The following COLGALT2 variants were observed in gnomAD, a reference collection of about 807,000 sequenced individuals.
The protein encoded by COLGALT2 is collagen beta(1-O)galactosyltransferase 2.
A neutral mutation model predicts 73.4 loss-of-function variants in COLGALT2; 49 were observed. The ratio of observed to expected loss-of-function variants is 0.67; its 90% confidence interval spans 0.53 to 0.85. COLGALT2 has a LOEUF of 0.85. COLGALT2 is among the 40% of genes least tolerant of loss of function. The probability of loss-of-function intolerance (pLI) is 0.00; values close to 1 mark genes in which losing one functional copy is unlikely to be tolerated. For missense variants in COLGALT2, 722 were observed against 790.2 expected (o/e 0.91, Z 1.03); for synonymous variants, 295 against 307.6 (o/e 0.96, Z 0.43).
intron 9 of COLGALT2, 101 bp downstream of exon 9, chr1:183,945,331 C>T: frequency 7.4e-7 from 1 of 1,358,104 alleles, no homozygotes; most frequent in Non-Finnish European, 1.0e-6. Flanking sequence ...ATTTCCAGAA[C>T]AGTTGCGGGC....
chr1:184,013,409 AAAG>A (rs1393372383), intron 1 of COLGALT2, among the ~76,000 whole-genome samples: 1 of 152,216 alleles, frequency 6.6e-6, no homozygotes, highest in Admixed American at 6.5e-5. Context: ...GAATCTACTC[AAAG>A]AAGGTGTGGT....
At chr1:183,964,336 T>A in intron 5 of COLGALT2, 1 of 373,378 alleles carries the variant, frequency 2.7e-6, no homozygotes, top group East Asian at 3.9e-5. Flanking sequence ...GGCAAGGAAT[T>A]CCCATTCTGG....
intron 1 of COLGALT2, among the ~76,000 whole-genome samples, chr1:183,993,914 C>G (rs1671697370): frequency 6.6e-6 from 1 of 151,418 alleles, no homozygotes; most frequent in East Asian, 1.9e-4. Flanking sequence ...GGAACCAAAA[C>G]TTTCATCAGG....
intron 1 of COLGALT2, among the ~76,000 whole-genome samples, chr1:183,997,253 ATAAATTGTTATATGTCTTACTATAAATTT>A (rs1246574233): frequency 6.6e-6 from 1 of 152,240 alleles, no homozygotes; most frequent in Admixed American, 6.5e-5. Flanking sequence ...GTAAGACATT[ATAAATTGTTATATGTCTTACTATAAATTT>A]TACCATGTAA....
intron 10 of COLGALT2, among the ~76,000 whole-genome samples, chr1:183,941,674 G>A (rs1670115611): frequency 6.6e-6 from 1 of 152,110 alleles, no homozygotes; most frequent in Non-Finnish European, 1.5e-5. Context: ...AAGCATCCCA[G>A]GATTTGTAGA....
intron 1 of COLGALT2, among the ~76,000 whole-genome samples, chr1:184,023,925 T>A (rs1047310697): frequency 1.3e-5 from 2 of 152,180 alleles, no homozygotes; most frequent in African/African-American, 4.8e-5. Context: ...TTCACTCAGG[T>A]TAGAGGGCAA....
At position 183,993,018 on chromosome 1, in the gene COLGALT2, C is replaced by G. The variant is rs560736754; in HGVS notation, c.264-14498G>C. Reference sequence around the variant, plus strand: ...CCCAGGACAGTGCCTGGCATCAGCACTGGGTAAAGGGTTGCTAAATGAATA... The same window carrying G: ...CCCAGGACAGTGCCTGGCATCAGCAGTGGGTAAAGGGTTGCTAAATGAATA... On this transcript the variant is annotated intron_variant, in intron 1 of 11. Coordinates refer to ENST00000361927, the MANE Select transcript of COLGALT2 (RefSeq NM_015101.4). Among the ~76,000 whole-genome samples the G allele has an allele frequency of 1.4e-3, 206 of 152,284 alleles. 1 individual carries two copies. The highest frequency in any genetic ancestry group is 4.1e-3 in the African/African-American group (169 of 41,556).
intron 1 of COLGALT2, among the ~76,000 whole-genome samples, chr1:184,024,800 T>C (rs561421558): frequency 1.2e-3 from 181 of 152,242 alleles, no homozygotes; most frequent in African/African-American, 4.2e-3. Context: ...AAAACTGGCT[T>C]CTACATATCC....
In COLGALT2 at chr1:183,937,456, G is replaced by T; in HGVS notation, c.*1305C>A. The T allele has an allele frequency of 1.0e-6, 1 of 985,862 alleles. No homozygotes were observed. Among genetic ancestry groups the T allele is most frequent in the Non-Finnish European group, 1.2e-6 (1 of 830,232 alleles). 61.1% of individuals were successfully genotyped at this position (985,862 alleles called of 1,614,324 possible). A position where few individuals can be genotyped will look rare whatever the true frequency, so the allele number is the denominator to read the frequency against. ...AAGAAAGCAGAAAGGACTCTTAGGG[G>T]ATATCTTTTGAGAAAGGGTGTCCGC... On this transcript the variant is annotated 3_prime_UTR_variant, in exon 12 of 12. Coordinates refer to ENST00000361927, the MANE Select transcript of COLGALT2 (RefSeq NM_015101.4).
intron 1 of COLGALT2, among the ~76,000 whole-genome samples, chr1:183,989,554 T>C (rs1001232817): frequency 6.6e-6 from 1 of 152,224 alleles, no homozygotes; most frequent in Admixed American, 6.5e-5. Flanking sequence ...GATTGAGGAC[T>C]GGGAGAAAGC....
intron 1 of COLGALT2, among the ~76,000 whole-genome samples, chr1:183,990,795 T>A (rs1399318072): frequency 6.6e-6 from 1 of 152,216 alleles, no homozygotes; most frequent in African/African-American, 2.4e-5. Context: ...GAGGGCGAGA[T>A]GGCTGTAAGG....
In COLGALT2 at chr1:183,969,377, C is replaced by T; in HGVS notation, c.724G>A (p.Asp242Asn). Residue 242 changes from aspartate to asparagine, a missense_variant, in exon 5 of 12, where the codon GAC (aspartate) becomes AAC (asparagine). Physicochemically the swap from Asp to Asn is conservative, Grantham distance 23. Coordinates refer to ENST00000361927, the MANE Select transcript of COLGALT2 (RefSeq NM_015101.4). ...TTGTCCGAGGCCTCCTTCCTGAGGT[C>T]AATTAGGAAGGTGGAGTGGACCATG... Reference protein sequence around the residue: ...VPMVHSTFLIDLRKEASDKLT... With the variant: ...VPMVHSTFLINLRKEASDKLT... 1 of 1,613,782 alleles carries T rather than the reference C, an allele frequency of 6.2e-7. No homozygotes were observed. The highest frequency in any genetic ancestry group is 8.5e-7 in the Non-Finnish European group (1 of 1,179,842).
chr1:184,000,762 C>A (rs756960838), intron 1 of COLGALT2, among the ~76,000 whole-genome samples: 2 of 151,626 alleles, frequency 1.3e-5, no homozygotes, highest in Non-Finnish European at 2.9e-5. Context: ...AATTGACTCT[C>A]CTTATTGAAA....
Position 183,954,763 on chromosome 1 carries a change from T to G in COLGALT2, c.1028A>C (p.Glu343Ala). 1 of 1,610,418 alleles carries G rather than the reference T, an allele frequency of 6.2e-7. No individual in the cohort carries two copies. Among genetic ancestry groups the G allele is most frequent in the Non-Finnish European group, 8.5e-7 (1 of 1,176,946 alleles). ...PKYPDKMGFD[E>A]IFMINLKRRK... ...CACACATATAGACACCTTTCCTACCTCATCAAATCCCATCTTGTCTGGATA... is the reference window on the plus strand; with the variant it reads ...CACACATATAGACACCTTTCCTACCGCATCAAATCCCATCTTGTCTGGATA... The change falls in exon 7 of 12, where the codon GAG becomes GCG. Residue 343 changes from glutamate to alanine, a missense_variant and splice_region_variant. By Grantham distance (107) the Glu-to-Ala change is moderately radical (BLOSUM62 -1). Transcript: ENST00000361927.
At chr1:183,973,562 G>C (rs1025525135) in intron 4 of COLGALT2, 54 bp downstream of exon 4, 2 of 1,604,906 alleles carry the variant, frequency 1.2e-6, no homozygotes, top group Non-Finnish European at 1.7e-6. Flanking sequence ...ACTGTTGACC[G>C]GGTGTTGCCT....
In COLGALT2 at chr1:184,037,686, C is replaced by T. The variant is rs1193037985; in HGVS notation, c.-329G>A. ...AAGTTCCTCTAGTCCAGGTTCCGCT[C>T]GTACAGCTGAGGTCTGTGGCCTTCC... is the stretch of plus-strand genomic sequence containing the variant. On this transcript the variant is annotated 5_prime_UTR_variant, in exon 1 of 12. Coordinates refer to ENST00000361927, the MANE Select transcript of COLGALT2 (RefSeq NM_015101.4). 2 of 1,010,998 alleles carry T rather than the reference C, an allele frequency of 2.0e-6. No individual in the cohort carries two copies. Among genetic ancestry groups the T allele is most frequent in the Admixed American group, 5.9e-5 (1 of 17,038 alleles). The allele number at this position is 1,010,998 out of a possible 1,614,324, so 62.6% of individuals were successfully genotyped here.
In COLGALT2 at chr1:183,949,770, C is replaced by T. The variant is rs547006661; in HGVS notation, c.1136+1237G>A. ...AAAAACTCTTTTGCTTCAATGTATACCATCATGAAATTGTGACAATCAATA... is the reference window on the plus strand; with the variant it reads ...AAAAACTCTTTTGCTTCAATGTATATCATCATGAAATTGTGACAATCAATA... On this transcript the variant is annotated intron_variant, in intron 8 of 11. Transcript: ENST00000361927. Among the ~76,000 whole-genome samples the T allele has an allele frequency of 9.6e-4, 146 of 152,226 alleles. 1 individual carries two copies. The highest frequency in any genetic ancestry group is 3.3e-3 in the African/African-American group (135 of 41,534).
intron 2 of COLGALT2, among the ~76,000 whole-genome samples, chr1:183,977,783 C>T (rs549122171): frequency 3.0e-5 from 4 of 133,064 alleles, no homozygotes; most frequent in South Asian, 2.6e-4. Context: ...GAGTGAGACC[C>T]TGTCTTGAAA....
At chr1:183,994,828 A>C (rs558384021) in intron 1 of COLGALT2, among the ~76,000 whole-genome samples, 6 of 152,334 alleles carry the variant, frequency 3.9e-5, no homozygotes, top group African/African-American at 1.4e-4. Context: ...TCTTATGGGG[A>C]GTAATAACAA....
Sources: allele counts gnomAD v4.1 joint callset (sites outside exome capture counted in the v4.1 genomes callset), GRCh38; gene constraint gnomAD v4.1.1; transcripts MANE v1.5; gene names NCBI Gene and HGNC (gene_info 2026-07-23, HGNC 2026-07-21).